The following KCNN2 variants were observed in gnomAD, a reference collection of about 807,000 sequenced individuals.
KCNN2 encodes the protein small conductance calcium-activated potassium channel protein 2.
A neutral mutation model predicts 55.5 loss-of-function variants in KCNN2; 24 were observed. That is an observed-to-expected ratio of 0.43 (90% CI 0.31 to 0.61). The LOEUF (loss-of-function observed/expected upper bound fraction) is 0.61. Ranked by LOEUF, KCNN2 falls within the 20% of genes least tolerant of loss-of-function variation. The pLI is 0.08. For synonymous variants in KCNN2, 431 were observed against 336.1 expected (o/e 1.28, Z -3.09); for missense variants, 754 against 853.6 (o/e 0.88, Z 1.45).
chr5:114,196,250 G>A (rs114975629), intron 1 of KCNN2, among the ~76,000 whole-genome samples: 4,548 of 151,730 alleles, frequency 0.03, 233 homozygotes, highest in African/African-American at 0.1. Context: ...TTTTTAATGT[G>A]TGTTTCTGGA....
At chr5:114,059,173 T>C (rs186590630) in intron 1 of KCNN2, among the ~76,000 whole-genome samples, 5 of 152,236 alleles carry the variant, frequency 3.3e-5, no homozygotes, top group Admixed American at 1.3e-4. Context: ...GGATTAGATA[T>C]AAGGGTTATT....
chr5:114,473,308 A>G, intron 5 of KCNN2, 144 bp downstream of exon 5: 1 of 643,538 alleles, frequency 1.6e-6, no homozygotes, highest in South Asian at 1.8e-5. Flanking sequence ...CCATTTTATC[A>G]CATTTTGAGA....
chr5:114,469,214 G>C (rs1003933844), intron 4 of KCNN2, among the ~76,000 whole-genome samples: 1 of 152,084 alleles, frequency 6.6e-6, no homozygotes, highest in African/African-American at 2.4e-5. Context: ...AACAACACTT[G>C]TCATTACTTA....
chr5:114,390,013 C>A (rs163207), intron 2 of KCNN2, among the ~76,000 whole-genome samples: 1 of 152,016 alleles, frequency 6.6e-6, no homozygotes, highest in Non-Finnish European at 1.5e-5. Flanking sequence ...CTTTCAATTG[C>A]CTGTGCTTTA....
intron 2 of KCNN2, among the ~76,000 whole-genome samples, chr5:114,242,439 C>G (rs1028995531): frequency 1.3e-5 from 2 of 152,172 alleles, no homozygotes; most frequent in Non-Finnish European, 1.5e-5. Flanking sequence ...AGGCATTAAT[C>G]CAGTTCTCTA....
chr5:114,108,518 C>A (rs1441521738), intron 1 of KCNN2, among the ~76,000 whole-genome samples: 2 of 151,916 alleles, frequency 1.3e-5, no homozygotes, highest in East Asian at 1.9e-4. Context: ...TCCCTTATGC[C>A]CTGTTCCAGT....
chr5:114,189,162 G>GTA (rs1262876452), intron 1 of KCNN2, among the ~76,000 whole-genome samples: 4 of 129,864 alleles, frequency 3.1e-5, no homozygotes, highest in South Asian at 5.0e-4. Context: ...GTGTATGTGT[G>GTA]TGTGTGTGTA....
In KCNN2 at chr5:114,363,207, C is replaced by T; in HGVS notation, c.1068C>T (p.Phe356=). 1.2e-6 allele frequency: 2 copies of T among 1,613,346 alleles called. No homozygotes were observed. The highest frequency in any genetic ancestry group is 1.7e-6 in the Non-Finnish European group (2 of 1,179,994). The change falls in exon 1 of 8, where the codon TTC becomes TTT. Residue 356 remains phenylalanine, a synonymous_variant. Transcript: ENST00000673685. The stretch of plus-strand genomic sequence containing the variant: ...ACTACGCGCTCATCTTCGGCATGTT[C>T]GGCATCGTGGTCATGGTCATCGAGA... ...LSDYALIFGM[F]GIVVMVIETE...
At chr5:114,299,626 T>C (rs775439802) in intron 2 of KCNN2, among the ~76,000 whole-genome samples, 74 of 152,298 alleles carry the variant, frequency 4.9e-4, no homozygotes, top group Middle Eastern at 6.8e-3. Context: ...CTGACCTCCA[T>C]ACAGACACAG....
intron 2 of KCNN2, among the ~76,000 whole-genome samples, chr5:114,245,096 C>G (rs754128152): frequency 9.9e-5 from 15 of 152,062 alleles, no homozygotes; most frequent in Non-Finnish European, 1.6e-4. Flanking sequence ...ATTCATCAGA[C>G]AAAAGCAGGT....
chr5:114,110,496 G>C (rs917631835), intron 1 of KCNN2, among the ~76,000 whole-genome samples: 2 of 152,022 alleles, frequency 1.3e-5, no homozygotes, highest in Non-Finnish European at 2.9e-5. Flanking sequence ...CAAGGGGAGA[G>C]AGACCCTAGA....
chr5:114,391,938 T>G (rs1343301052), intron 2 of KCNN2, among the ~76,000 whole-genome samples: 1 of 152,114 alleles, frequency 6.6e-6, no homozygotes, highest in African/African-American at 2.4e-5. Context: ...CACCTCTATT[T>G]AGGGCTGGAG....
At chr5:114,458,091 A>T (rs1217346839) in intron 3 of KCNN2, among the ~76,000 whole-genome samples, 5 of 151,932 alleles carry the variant, frequency 3.3e-5, no homozygotes, top group East Asian at 3.9e-4. Flanking sequence ...TACACCTTTT[A>T]AAAAAAATGC....
At chr5:114,412,172 T>C (rs1759156411) in intron 3 of KCNN2, among the ~76,000 whole-genome samples, 1 of 152,188 alleles carries the variant, frequency 6.6e-6, no homozygotes, top group South Asian at 2.1e-4. Flanking sequence ...AGAGAATATG[T>C]AATTTGGGGT....
At chr5:114,414,282 A>G (rs1464913068) in intron 3 of KCNN2, among the ~76,000 whole-genome samples, 2 of 152,194 alleles carry the variant, frequency 1.3e-5, no homozygotes, top group Admixed American at 1.3e-4. Flanking sequence ...TTAAGCTTTT[A>G]TAACCTTAGT....
intron 2 of KCNN2, among the ~76,000 whole-genome samples, chr5:114,369,574 G>C (rs1757703959): frequency 1.3e-5 from 2 of 152,136 alleles, no homozygotes; most frequent in South Asian, 4.1e-4. Context: ...AAACTTGCCT[G>C]AATTCCTTTG....
At chr5:114,160,912 T>C (rs1378074293) in intron 1 of KCNN2, among the ~76,000 whole-genome samples, 1 of 152,148 alleles carries the variant, frequency 6.6e-6, no homozygotes, top group East Asian at 1.9e-4. Flanking sequence ...GCACGTGAGA[T>C]GGGTTTCCTG....
chr5:114,150,494 C>T (rs909299218), intron 1 of KCNN2, among the ~76,000 whole-genome samples: 8 of 152,146 alleles, frequency 5.3e-5, no homozygotes, highest in Non-Finnish European at 1.0e-4. Flanking sequence ...AAAATCAAAA[C>T]GTCGACAGCA....
chr5:114,194,552 CT>C (rs1753512384), intron 1 of KCNN2, among the ~76,000 whole-genome samples: 1 of 151,830 alleles, frequency 6.6e-6, no homozygotes, highest in Non-Finnish European at 1.5e-5. Context: ...GATTATTTGT[CT>C]TTTTATTATT....
Sources: allele counts gnomAD v4.1 joint callset (sites outside exome capture counted in the v4.1 genomes callset), GRCh38; gene constraint gnomAD v4.1.1; transcripts MANE v1.5; gene names NCBI Gene and HGNC (gene_info 2026-07-23, HGNC 2026-07-21).